Variants in TRAPPC8 observed in about 807,000 individuals in gnomAD.
TRAPPC8 encodes trafficking protein particle complex subunit 8.
In TRAPPC8, 54 loss-of-function variants were observed where a neutral mutation model predicts 174.3. The ratio of observed to expected loss-of-function variants is 0.31; its 90% confidence interval spans 0.25 to 0.39. The LOEUF (loss-of-function observed/expected upper bound fraction) is 0.39, where lower values mean the gene tolerates loss of function less well. Ranked by LOEUF, TRAPPC8 falls within the 10% of genes least tolerant of loss-of-function variation. The pLI is 1.00. For missense variants in TRAPPC8, 1,531 were observed against 1,699.1 expected (o/e 0.90, Z 1.74); for synonymous variants, 630 against 579.9 (o/e 1.09, Z -1.24).
chr18:31,933,143 C>T (rs1422256094), intron 1 of TRAPPC8, among the ~76,000 whole-genome samples: 3 of 150,800 alleles, frequency 2.0e-5, no homozygotes, highest in Non-Finnish European at 4.4e-5. Flanking sequence ...CTACTAAAAA[C>T]ATAAAAAATT....
chr18:31,873,632 A>G, intron 13 of TRAPPC8, 94 bp from the exon 14 acceptor site: 3 of 797,786 alleles, frequency 3.8e-6, no homozygotes, highest in South Asian at 1.8e-5. Context: ...CATTAAAAAT[A>G]TGTTAAGCAA....
chr18:31,844,606 T>C (rs953962521), intron 26 of TRAPPC8: 8 of 151,620 alleles, frequency 5.3e-5, no homozygotes, highest in African/African-American at 1.7e-4. Context: ...ATACCACCTG[T>C]CAGGAGGAAA....
rs1197863912 is a variant in TRAPPC8 at position 31,858,116 on chromosome 18, T to A, written c.2746-134A>T. 4.2e-6 allele frequency: 3 copies of A among 707,054 alleles called. No homozygotes were observed. In the East Asian group the frequency reaches 8.3e-5, roughly 19 times the overall value. The allele number at this position is 707,054 out of a possible 1,614,324, so 43.8% of individuals were successfully genotyped here. On this transcript the variant is annotated intron_variant, in intron 19 of 28. Transcript: ENST00000283351. ...TTTCATTAATTCTTTGGTATCTCCC[T>A]GAATATGTGGCAGTTAATGACTCCA... is the stretch of plus-strand genomic sequence containing the variant.
chr18:31,888,261 T>C (rs1301624788), intron 12 of TRAPPC8, among the ~76,000 whole-genome samples: 1 of 152,138 alleles, frequency 6.6e-6, no homozygotes, highest in Non-Finnish European at 1.5e-5. Context: ...AAGCTGGGCA[T>C]GGTGGCTCAC....
chr18:31,840,908 T>C (rs2033055609), intron 26 of TRAPPC8, among the ~76,000 whole-genome samples: 1 of 149,984 alleles, frequency 6.7e-6, no homozygotes, highest in Non-Finnish European at 1.5e-5. Flanking sequence ...CTGGGGCTAC[T>C]GGTAAAAAAA....
At chr18:31,925,561 CAG>C (rs2037579691) in intron 2 of TRAPPC8, among the ~76,000 whole-genome samples, 1 of 152,034 alleles carries the variant, frequency 6.6e-6, no homozygotes, top group Non-Finnish European at 1.5e-5. Flanking sequence ...TCAGAAAGAA[CAG>C]AGAGAACAAT....
intron 26 of TRAPPC8, among the ~76,000 whole-genome samples, chr18:31,846,410 C>CA (rs776154267): frequency 4.0e-5 from 6 of 151,622 alleles, no homozygotes; most frequent in African/African-American, 1.5e-4. Flanking sequence ...TCCATCTCTA[C>CA]AAAAAAACAC....
chr18:31,867,555 C>CA (rs1375951735), intron 16 of TRAPPC8, 79 bp from the exon 17 acceptor site: 2 of 942,274 alleles, frequency 2.1e-6, no homozygotes, highest in Non-Finnish European at 3.3e-6. Flanking sequence ...ATCAATACTT[C>CA]AAAAAAATAA....
intron 19 of TRAPPC8, among the ~76,000 whole-genome samples, chr18:31,864,117 CA>C (rs1237544752): frequency 6.7e-6 from 1 of 149,466 alleles, no homozygotes; most frequent in African/African-American, 2.4e-5. Flanking sequence ...TATTACAGAA[CA>C]AGATCCTTCA....
Position 31,913,439 on chromosome 18 carries a change from T to G in TRAPPC8, c.701A>C (p.Asn234Thr), listed in dbSNP as rs772071287. Residue 234 changes from asparagine (N) to threonine (T), a missense_variant, in exon 5 of 29, where the codon AAT (asparagine) becomes ACT (threonine). Coordinates refer to ENST00000283351, the MANE Select transcript of TRAPPC8 (RefSeq NM_014939.5). ...YLLKINSRTSNRASDEQIPDP... is the reference protein window; with the variant it reads ...YLLKINSRTSTRASDEQIPDP... Reference sequence around the variant, plus strand: ...TGGTATCTGTTCATCTGATGCTCGATTAGATGTTCGAGAATTAATTTTAAG... The same window carrying G: ...TGGTATCTGTTCATCTGATGCTCGAGTAGATGTTCGAGAATTAATTTTAAG... The G allele has an allele frequency of 2.5e-6, 4 of 1,611,592 alleles. No individual in the cohort carries two copies. The highest frequency in any genetic ancestry group is 2.2e-5 in the South Asian group (2 of 90,376).
At chr18:31,898,017 C>T (rs1028062726) in intron 10 of TRAPPC8, 126 bp from the exon 11 acceptor site, 4 of 700,442 alleles carry the variant, frequency 5.7e-6, no homozygotes, top group Middle Eastern at 4.2e-4. Context: ...GTTCCAGGAC[C>T]CTCCAGGATA....
chr18:31,859,095 AAAACAAAC>A (rs138836773), intron 19 of TRAPPC8, among the ~76,000 whole-genome samples: 19 of 151,296 alleles, frequency 1.3e-4, no homozygotes, highest in South Asian at 4.2e-4. Flanking sequence ...CCCATCTCAA[AAAACAAAC>A]AAACAAACAA....
At position 31,942,628 on chromosome 18, in the gene TRAPPC8, A is replaced by T; in HGVS notation, c.137T>A (p.Phe46Tyr). 1 of 1,606,888 alleles carries T rather than the reference A, an allele frequency of 6.2e-7. No individual in the cohort carries two copies. Among genetic ancestry groups the T allele is most frequent in the Non-Finnish European group, 8.5e-7 (1 of 1,176,414 alleles). The change falls in exon 1 of 29, where the codon TTC (phenylalanine) becomes TAC (tyrosine). Residue 46 changes from phenylalanine (F) to tyrosine (Y), a missense_variant. Phe to Tyr is a conservative substitution (Grantham distance 22, BLOSUM62 3). Transcript: ENST00000283351. Reference protein sequence around the residue: ...HLSFAELLKPFSRLTSEVHMR... With the variant: ...HLSFAELLKPYSRLTSEVHMR... ...CATACCCTCGGAAGTGAGGCGGGAG[A>T]AGGGCTTAAGCAGCTCCGCGAAGCT...
intron 4 of TRAPPC8, 102 bp downstream of exon 4, chr18:31,916,170 C>A: frequency 3.6e-6 from 3 of 834,076 alleles, no homozygotes; most frequent in Non-Finnish European, 5.0e-6. Flanking sequence ...TAAACTTTTA[C>A]ATTCTTGTAT....
chr18:31,852,487 C>A lies in TRAPPC8; in HGVS notation c.3520G>T (p.Glu1174Ter). ...EKEEAATQSS[E>*]KYTFADIIFG... is the part of the protein sequence containing the mutation. ...ATGATATCTGCAAAGGTATATTTTT[C>A]AGAGGACTGTGTGGCCGCTAAAAAA... The change falls in exon 24 of 29, where the codon GAA becomes TAA. Residue 1174 changes from glutamate to a stop codon, truncating the protein, a stop_gained. Transcript: ENST00000283351. LOFTEE classifies it high-confidence loss of function. The A allele has an allele frequency of 6.2e-7, 1 of 1,614,170 alleles. No individual in the cohort carries two copies. The highest frequency in any genetic ancestry group is 8.5e-7 in the Non-Finnish European group (1 of 1,180,024).
chr18:31,856,078 T>C (rs1452028898), intron 20 of TRAPPC8, among the ~76,000 whole-genome samples: 1 of 152,106 alleles, frequency 6.6e-6, no homozygotes, highest in African/African-American at 2.4e-5. Context: ...ATAATCTTCA[T>C]ATGGTAATGT....
At chr18:31,888,427 G>C (rs1041335729) in intron 12 of TRAPPC8, among the ~76,000 whole-genome samples, 1 of 152,170 alleles carries the variant, frequency 6.6e-6, no homozygotes, top group African/African-American at 2.4e-5. Flanking sequence ...CAGCTACTCG[G>C]GAGGCTGAGG....
intron 27 of TRAPPC8, among the ~76,000 whole-genome samples, chr18:31,836,949 A>G (rs1237742559): frequency 6.6e-6 from 1 of 151,974 alleles, no homozygotes; most frequent in Non-Finnish European, 1.5e-5. Context: ...TTTTTAGTAG[A>G]GATGGGGTTT....
At chr18:31,833,666 C>T (rs895997093) in intron 27 of TRAPPC8, among the ~76,000 whole-genome samples, 3 of 152,180 alleles carry the variant, frequency 2.0e-5, no homozygotes. Flanking sequence ...GCTGGGCCTA[C>T]TCTCAGAGAT....
Sources: allele counts gnomAD v4.1 joint callset (sites outside exome capture counted in the v4.1 genomes callset), GRCh38; gene constraint gnomAD v4.1.1; transcripts MANE v1.5; gene names NCBI Gene and HGNC (gene_info 2026-07-23, HGNC 2026-07-21).